TTN: variants seen among roughly 807,000 people sequenced by gnomAD.
TTN encodes connectin.
A neutral mutation model predicts 3,223.0 loss-of-function variants in TTN; 1,525 were observed. The ratio of observed to expected loss-of-function variants is 0.47; its 90% CI spans 0.45 to 0.49. The LOEUF (loss-of-function observed/expected upper bound fraction) is 0.49. Ranked by LOEUF, TTN falls within the 20% of genes least tolerant of loss-of-function variation. The pLI is 0.00. For missense variants in TTN, 40,786 were observed against 43,424.0 expected (o/e 0.94, Z 5.40); for synonymous variants, 14,094 against 15,161.0 (o/e 0.93, Z 5.17).
Position 178,667,255 on chromosome 2 carries a change from T to G in TTN, c.35778A>C (p.Pro11926=), listed in dbSNP as rs552869836. 6.2e-7 allele frequency: 1 copy of G among 1,603,468 alleles called. No individual in the cohort carries two copies. The highest frequency in any genetic ancestry group is 2.2e-5 in the East Asian group (1 of 44,640). ...TTATACCTTCAGTTGGAGGATGTTCTGGAATTTCAGGAATAGCCTCAGGTG... is the reference window on the plus strand; with the variant it reads ...TTATACCTTCAGTTGGAGGATGTTCGGGAATTTCAGGAATAGCCTCAGGTG... ...VEPPEAIPEI[P]EHPPTEEFEV... Residue 11926 remains proline, a synonymous_variant, in exon 162 of 363, where the codon CCA becomes CCC. Transcript: ENST00000589042.
chr2:178,663,675 T>A lies in TTN; in HGVS notation c.36484A>T (p.Lys12162Ter). The change falls in exon 171 of 363, where the codon AAA becomes TAA. Residue 12162 changes from lysine (K) to a stop codon, truncating the protein, a stop_gained. Coordinates refer to ENST00000589042, the MANE Select transcript of TTN (RefSeq NM_001267550.2). LOFTEE classifies it high-confidence loss of function. Reference protein sequence around the residue: ...EPPKEVVPEKKAPVAPPKEPE... With the variant: ...EPPKEVVPEK ...TCTTTAGGAGGAGCCACTGGCGCTT[T>A]CTTTTCAGGAACTACTTCTTTGGGA... The A allele has an allele frequency of 1.2e-6, 2 of 1,613,666 alleles. No homozygotes were observed. Among genetic ancestry groups the A allele is most frequent in the Non-Finnish European group, 1.7e-6 (2 of 1,179,748 alleles).
chr2:178,692,140 G>A, intron 120 of TTN, 41 bp from the exon 121 acceptor site: 1 of 1,550,108 alleles, frequency 6.5e-7, no homozygotes, highest in East Asian at 2.2e-5. Context: ...GAATATTCTA[G>A]TCACCTTCTG....
Position 178,776,547 on chromosome 2 carries a change from C to A in TTN, c.5317G>T (p.Gly1773Cys), listed in dbSNP as rs751246824. The A allele has an allele frequency of 6.2e-7, 1 of 1,611,746 alleles. No homozygotes were observed. The highest frequency in any genetic ancestry group is 1.3e-5 in the African/African-American group (1 of 74,998). ...TTAGTGGCTCTGCAAGTAATGATAC[C>A]ACTGTCTCTAGAATATGCAACGCCA... is the stretch of plus-strand genomic sequence containing the variant. ...DYGVAYSRDSGIITCRATNKY... is the reference protein window; with the variant it reads ...DYGVAYSRDSCIITCRATNKY... Residue 1773 changes from glycine to cysteine, a missense_variant, in exon 28 of 363, where the codon GGT (glycine) becomes TGT (cysteine). Gly to Cys is a radical substitution (Grantham distance 159). Transcript: ENST00000589042.
At position 178,599,461 on chromosome 2, in the gene TTN, G is replaced by A. The variant is rs2052687271; in HGVS notation, c.56348-16C>T. ...CCAGGACGACCTAAAATGGTTTAAAGAAGGAACCCTTTATCACTCAGATGA... is the reference window on the plus strand; with the variant it reads ...CCAGGACGACCTAAAATGGTTTAAAAAAGGAACCCTTTATCACTCAGATGA... On this transcript the variant is annotated splice_polypyrimidine_tract_variant and intron_variant, in intron 289 of 362. Coordinates refer to ENST00000589042, the MANE Select transcript of TTN (RefSeq NM_001267550.2). 1 of 1,519,252 alleles carries A rather than the reference G, an allele frequency of 6.6e-7. No individual in the cohort carries two copies. The highest frequency in any genetic ancestry group is 8.8e-7 in the Non-Finnish European group (1 of 1,137,208). The allele number at this position is 1,519,252 out of a possible 1,614,324, so 94.1% of individuals were successfully genotyped here.
chr2:178,617,072 A>G (rs751522542), intron 255 of TTN, 48 bp downstream of exon 255: 1 of 1,611,136 alleles, frequency 6.2e-7, no homozygotes, highest in Non-Finnish European at 8.5e-7. Context: ...TGTTGCCCCA[A>G]AGTAGCTATG....
In TTN at chr2:178,771,471, C is replaced by T. The variant is rs1321051382; in HGVS notation, c.7856G>A (p.Gly2619Asp). ...NMTSGKLTVA[G>D]GAISKPLTDQ... ...TGTGAGTGGCTTGGAGATGGCCCCA[C>T]CTTTGGAACAAGAGATGTACAGTAT... The change falls in exon 34 of 363, where the codon GGT becomes GAT. Residue 2619 changes from glycine to aspartate, a missense_variant and splice_region_variant. Gly to Asp is a moderately conservative substitution (Grantham distance 94). Coordinates refer to ENST00000589042, the MANE Select transcript of TTN (RefSeq NM_001267550.2). The T allele has an allele frequency of 3.1e-6, 5 of 1,613,830 alleles. No individual in the cohort carries two copies. Among genetic ancestry groups the T allele is most frequent in the East Asian group, 2.2e-5 (1 of 44,872 alleles).
In TTN at chr2:178,543,105, C is replaced by G; in HGVS notation, c.96868G>C (p.Glu32290Gln). ...TGTACAGTCACGGCTGTGACAGTCTCTCTTGGTTCTGACACACCTTTCTCA... is the reference window on the plus strand; with the variant it reads ...TGTACAGTCACGGCTGTGACAGTCTGTCTTGGTTCTGACACACCTTTCTCA... Reference protein sequence around the residue: ...QNEKGVSEPRETVTAVTVQDL... With the variant: ...QNEKGVSEPRQTVTAVTVQDL... Residue 32290 changes from glutamate (E) to glutamine (Q), a missense_variant, in exon 347 of 363, where the codon GAG becomes CAG. Coordinates refer to ENST00000589042, the MANE Select transcript of TTN (RefSeq NM_001267550.2). The G allele has an allele frequency of 6.2e-7, 1 of 1,606,088 alleles. No homozygotes were observed. The highest frequency in any genetic ancestry group is 1.1e-5 in the South Asian group (1 of 90,700).
Position 178,756,226 on chromosome 2 carries a change from T to A in TTN, c.11250A>T (p.Glu3750Asp). ...CATAGCTAAAAATCAATTAACCACC[T>A]TCTACACTTAGTACTGCTGACGTTG... Reference protein sequence around the residue: ...ERTTSAVLSVEGAPESILHER... With the variant: ...ERTTSAVLSVDGAPESILHER... The change falls in exon 46 of 363, where the codon GAA (glutamate) becomes GAT (aspartate). Residue 3750 changes from glutamate to aspartate, a missense_variant. Transcript: ENST00000589042. 1 of 1,602,754 alleles carries A rather than the reference T, an allele frequency of 6.2e-7. No homozygotes were observed. Among genetic ancestry groups the A allele is most frequent in the Non-Finnish European group, 8.5e-7 (1 of 1,171,910 alleles).
At position 178,536,412 on chromosome 2, in the gene TTN, T is replaced by C. The variant is rs770586154; in HGVS notation, c.100335A>G (p.Glu33445=). 3 of 1,613,644 alleles carry C rather than the reference T, an allele frequency of 1.9e-6. No homozygotes were observed. Among genetic ancestry groups the C allele is most frequent in the Non-Finnish European group, 2.5e-6 (3 of 1,179,692 alleles). Residue 33445 remains glutamate (E), a synonymous_variant, in exon 357 of 363, where the codon GAA becomes GAG. Coordinates refer to ENST00000589042, the MANE Select transcript of TTN (RefSeq NM_001267550.2). ...KQNKWISVTT[E]EIRETVFSVK... The stretch of plus-strand genomic sequence containing the variant: ...CTGAAAAGACAGTTTCTCGAATTTC[T>C]TCTGTTGTCACAGAAATCCATTTAT...
chr2:178,526,923 TTAAA>T lies in TTN; in HGVS notation c.*85_*88del. On this transcript the variant is annotated 3_prime_UTR_variant, in exon 363 of 363. Transcript: ENST00000589042. The stretch of plus-strand genomic sequence containing the variant: ...TTGATACAAAACTACTTTTTTTTCT[TTAAA>T]TATTTACAGTTCAGAAAGATTAGTC... The T allele has an allele frequency of 7.9e-7, 1 of 1,271,442 alleles. No homozygotes were observed. Among genetic ancestry groups the T allele is most frequent in the East Asian group, 2.6e-5 (1 of 39,130 alleles). The allele number at this position is 1,271,442 out of a possible 1,614,324, so 78.8% of individuals were successfully genotyped here.
rs754163825 is a variant in TTN at position 178,530,040 on chromosome 2, G to A, written c.106451C>T (p.Thr35484Ile). 6.2e-7 allele frequency: 1 copy of A among 1,610,592 alleles called. No homozygotes were observed. Among genetic ancestry groups the A allele is most frequent in the Non-Finnish European group, 8.5e-7 (1 of 1,179,078 alleles). Residue 35484 changes from threonine (T) to isoleucine (I), a missense_variant, in exon 359 of 363, where the codon ACT (threonine) becomes ATT (isoleucine). Coordinates refer to ENST00000589042, the MANE Select transcript of TTN (RefSeq NM_001267550.2). ...ACAAGTATAAAGTCCACTGTCAGAA[G>A]TATCAGTCTTATGAATTTCTAAGAA... is the stretch of plus-strand genomic sequence containing the variant. The part of the protein sequence containing the change: ...GFFLEIHKTD[T>I]SDSGLYTCTV...
chr2:178,572,987 G>T lies in TTN; in HGVS notation c.73145C>A (p.Thr24382Asn). The T allele has an allele frequency of 6.2e-7, 1 of 1,613,170 alleles. No individual in the cohort carries two copies. ...IVTPPAGLKATSYTITGLTEN... is the reference protein window; with the variant it reads ...IVTPPAGLKANSYTITGLTEN... ...TGTGAGGCCAGTGATAGTATACGAA[G>T]TTGCCTTGAGTCCTGCTGGTGGAGT... is the stretch of plus-strand genomic sequence containing the variant. The change falls in exon 326 of 363, where the codon ACT (threonine) becomes AAT (asparagine). Residue 24382 changes from threonine to asparagine, a missense_variant. Thr to Asn is a moderately conservative substitution (Grantham distance 65, BLOSUM62 0). Coordinates refer to ENST00000589042, the MANE Select transcript of TTN (RefSeq NM_001267550.2).
rs1031182598 is a variant in TTN at position 178,720,558 on chromosome 2, C to G, written c.23204G>C (p.Trp7735Ser). ...TCTAACCTGCTTTCGATCTTTAACC[C>G]ATACTACTTCAAATGGGGGAGTTCC... ...ISGTPPFEVV[W>S]VKDRKQVRNS... Residue 7735 changes from tryptophan (W) to serine (S), a missense_variant, in exon 80 of 363, where the codon TGG (tryptophan) becomes TCG (serine). Transcript: ENST00000589042. The G allele has an allele frequency of 1.2e-6, 2 of 1,613,356 alleles. No individual in the cohort carries two copies. Among genetic ancestry groups the G allele is most frequent in the South Asian group, 2.2e-5 (2 of 91,042 alleles).
rs898696376 is a variant in TTN, at chr2:178,552,078, C to A, written c.90822G>T (p.Met30274Ile). The A allele has an allele frequency of 3.7e-6, 6 of 1,613,590 alleles. No homozygotes were observed. The African/African-American group carries it at 8.0e-5, about 22-fold the overall frequency. ...TCGTTCTGGCAACACTTGAACACAC[C>A]ATCTTCCAGTTAGTTTGTGAAGTTT... ...KRETSQTNWK[M>I]VCSSVARTTF... is the part of the protein sequence containing the mutation. The change falls in exon 335 of 363, where the codon ATG becomes ATT. Residue 30274 changes from methionine to isoleucine, a missense_variant. By Grantham distance (10) the Met-to-Ile change is conservative (BLOSUM62 1). Coordinates refer to ENST00000589042, the MANE Select transcript of TTN (RefSeq NM_001267550.2).
At position 178,541,530 on chromosome 2, in the gene TTN, A is replaced by G. The variant is rs557550837; in HGVS notation, c.97547T>C (p.Met32516Thr). 1 of 1,612,948 alleles carries G rather than the reference A, an allele frequency of 6.2e-7. No homozygotes were observed. Among genetic ancestry groups the G allele is most frequent in the African/African-American group, 1.3e-5 (1 of 75,008 alleles). ...LQIFDVSRDG[M>T]TLTWYPPEDD... is the part of the protein sequence containing the mutation. ...CTCTGGTGGGTACCAAGTAAGTGTCATGCCATCACGGGAAACATCAAATAT... is the reference window on the plus strand; with the variant it reads ...CTCTGGTGGGTACCAAGTAAGTGTCGTGCCATCACGGGAAACATCAAATAT... Residue 32516 changes from methionine (M) to threonine (T), a missense_variant, in exon 350 of 363, where the codon ATG becomes ACG. Physicochemically the swap from Met to Thr is moderately conservative, Grantham distance 81 (BLOSUM62 -1). Transcript: ENST00000589042.
Position 178,634,833 on chromosome 2 carries a change from G to T in TTN, c.42041C>A (p.Ala14014Glu), listed in dbSNP as rs1200308695. The T allele has an allele frequency of 6.2e-7, 1 of 1,609,874 alleles. No homozygotes were observed. The highest frequency in any genetic ancestry group is 1.1e-5 in the South Asian group (1 of 89,890). The change falls in exon 229 of 363, where the codon GCA (alanine) becomes GAA (glutamate). Residue 14014 changes from alanine (A) to glutamate (E), a missense_variant. By Grantham distance (107) the Ala-to-Glu change is moderately radical (BLOSUM62 -1). Transcript: ENST00000589042. The surrounding 1 kb of genome is among the most constrained non-coding windows in gnomAD (Gnocchi z 4.6). ...LRPSPTCEIK[A>E]EGGKRFLTLH... ...AGTTAAGAAGCGTTTTCCACCTTCT[G>T]CTTTGATTTCACAAGTCTGAAAAAC... is the stretch of plus-strand genomic sequence containing the variant.
At position 178,532,023 on chromosome 2, in the gene TTN, C is replaced by A. The variant is rs144094650; in HGVS notation, c.104592G>T (p.Pro34864=). 29 of 1,613,714 alleles carry A rather than the reference C, an allele frequency of 1.8e-5. No homozygotes were observed. Among genetic ancestry groups the A allele is most frequent in the Non-Finnish European group, 2.3e-5 (27 of 1,179,860 alleles). Residue 34864 remains proline (P), a synonymous_variant, in exon 358 of 363, where the codon CCG becomes CCT. Transcript: ENST00000589042. ...VSELIRSRPQ[P]AEEYEDDTER... ...CTGTGTCATCTTCGTATTCCTCAGC[C>A]GGTTGTGGACGTGACCGGATCAGCT...
Position 178,683,261 on chromosome 2 carries a change from T to A in TTN, c.32837A>T (p.Glu10946Val), listed in dbSNP as rs763205133. The change falls in exon 134 of 363, where the codon GAA (glutamate) becomes GTA (valine). Residue 10946 changes from glutamate to valine, a missense_variant. By Grantham distance (121) the Glu-to-Val change is moderately radical. Coordinates refer to ENST00000589042, the MANE Select transcript of TTN (RefSeq NM_001267550.2). ...TGGAGCTTCAATTGATACTTTTTCTTCTTTAACCACTCTTTTTCTGAATTC... is the reference window on the plus strand; with the variant it reads ...TGGAGCTTCAATTGATACTTTTTCTACTTTAACCACTCTTTTTCTGAATTC... ...VTEFRKRVVK[E>V]EKVSIEAPKR... The A allele has an allele frequency of 2.1e-5, 33 of 1,549,578 alleles. No homozygotes were observed. The East Asian group carries it at 7.5e-4, about 35-fold the overall frequency.
Position 178,566,788 on chromosome 2 carries a change from C to A in TTN, c.79344G>T (p.Val26448=), listed in dbSNP as rs369875680. 40 of 1,613,364 alleles carry A rather than the reference C, an allele frequency of 2.5e-5. No individual in the cohort carries two copies. In the African/African-American group the frequency reaches 4.0e-4, roughly 16 times the overall value. The change falls in exon 326 of 363, where the codon GTG becomes GTT. Residue 26448 remains valine, a synonymous_variant. Coordinates refer to ENST00000589042, the MANE Select transcript of TTN (RefSeq NM_001267550.2). ...ACTCATGATCTTCTGTTAATCCTGTCACTCTTAGACGCAAATCTGTAATGC... is the reference window on the plus strand; with the variant it reads ...ACTCATGATCTTCTGTTAATCCTGTAACTCTTAGACGCAAATCTGTAATGC... ...KRRITDLRLR[V]TGLTEDHEYE...
Sources: gnomAD v4.1 joint callset for allele counts on GRCh38, gnomAD v4.1.1 for gene constraint, Gnocchi (gnomAD v3.1) non-coding constraint, MANE v1.5 for transcripts, NCBI Gene and HGNC (gene_info 2026-07-23, HGNC 2026-07-21) for gene names.